Variants in EXOC2 observed in about 807,000 individuals in gnomAD.
EXOC2 encodes the protein exocyst complex component 2.
Under a neutral mutation model 131.8 loss-of-function variants are expected in EXOC2, and 70 were observed. The observed-to-expected ratio is 0.53, with a 90% confidence interval of 0.44 to 0.65. EXOC2 has a LOEUF of 0.65. Ranked by LOEUF, EXOC2 falls within the 30% of genes least tolerant of loss-of-function variation. EXOC2 has a pLI of 0.00. For missense variants in EXOC2, 923 were observed against 1,108.6 expected, an observed-to-expected ratio of 0.83 and a Z score of 2.38; for synonymous variants, 411 against 398.4, an observed-to-expected ratio of 1.03 and a Z score of -0.38.
chr6:499,559 C>T (rs1217174605), intron 24 of EXOC2, 86 bp downstream of exon 24: 3 of 1,182,224 alleles, frequency 2.5e-6, no homozygotes, highest in East Asian at 2.4e-5. Context: ...AAAAAAAGAC[C>T]ACCATAGAAA....
intron 6 of EXOC2, among the ~76,000 whole-genome samples, chr6:613,290 A>C (rs933527929): frequency 1.3e-5 from 2 of 152,238 alleles, no homozygotes; most frequent in African/African-American, 4.8e-5. Context: ...GGGGACACAC[A>C]GGAAGAAACA....
intron 15 of EXOC2, 47 bp from the exon 16 acceptor site, chr6:564,201 A>C (rs1181444136): frequency 1.9e-6 from 3 of 1,600,198 alleles, no homozygotes; most frequent in Admixed American, 1.7e-5. Flanking sequence ...TGGGATCGCA[A>C]AGCAATCCCT....
chr6:526,529 C>T (rs1302988586), intron 23 of EXOC2, among the ~76,000 whole-genome samples: 1 of 150,782 alleles, frequency 6.6e-6, no homozygotes, highest in Non-Finnish European at 1.5e-5. Context: ...CAACCTCTGC[C>T]TCCTGGGTTC....
chr6:654,833 A>AAAAAAAAAAAAAAAAAAC (rs1762995649), intron 1 of EXOC2, among the ~76,000 whole-genome samples: 1 of 141,806 alleles, frequency 7.1e-6, no homozygotes. Context: ...AAAAAAAAAA[A>AAAAAAAAAAAAAAAAAAC]AAAAGTAGAG....
intron 25 of EXOC2, among the ~76,000 whole-genome samples, chr6:493,999 C>T (rs1763582312): frequency 6.6e-6 from 1 of 152,204 alleles, no homozygotes; most frequent in African/African-American, 2.4e-5. Context: ...AATTCTAAGA[C>T]TGCTAAGGCC....
chr6:545,457 A>T (rs1756797451), intron 22 of EXOC2, among the ~76,000 whole-genome samples: 1 of 152,236 alleles, frequency 6.6e-6, no homozygotes. Flanking sequence ...GCACACTTAA[A>T]TTGCAACTTA....
At chr6:556,594 C>A in intron 17 of EXOC2, 30 bp from the exon 18 acceptor site, 1 of 1,611,130 alleles carries the variant, frequency 6.2e-7, no homozygotes, top group South Asian at 1.1e-5. Context: ...TTGTAAAACT[C>A]AAAAATGAGC....
chr6:528,197 GAAATT>G (rs1329396195), intron 23 of EXOC2, among the ~76,000 whole-genome samples: 1 of 151,674 alleles, frequency 6.6e-6, no homozygotes, highest in African/African-American at 2.4e-5. Context: ...GTTGAATCAT[GAAATT>G]AATCAACTGG....
chr6:650,408 T>C (rs1015107063), intron 1 of EXOC2, among the ~76,000 whole-genome samples: 14 of 152,248 alleles, frequency 9.2e-5, no homozygotes, highest in Admixed American at 6.5e-5. Flanking sequence ...TGCATGACTA[T>C]AGAAACGGGC....
At chr6:597,536 C>T (rs769915648) in intron 10 of EXOC2, among the ~76,000 whole-genome samples, 3 of 152,190 alleles carry the variant, frequency 2.0e-5, no homozygotes, top group South Asian at 4.1e-4. Flanking sequence ...ATTTCTCTTT[C>T]ACTGACCACT....
chr6:577,314 C>T (rs1380857760), intron 11 of EXOC2, among the ~76,000 whole-genome samples: 1 of 152,156 alleles, frequency 6.6e-6, no homozygotes, highest in Non-Finnish European at 1.5e-5. Context: ...GGATTTCACT[C>T]CCTATGGCGT....
At chr6:651,579 G>A (rs141760226) in intron 1 of EXOC2, among the ~76,000 whole-genome samples, 113 of 151,992 alleles carry the variant, frequency 7.4e-4, no homozygotes, top group Admixed American at 1.4e-3. Flanking sequence ...ACTTGAACCC[G>A]GAGGCCGAGG....
chr6:497,628 TGAAAG>T, intron 24 of EXOC2, 139 bp from the exon 25 acceptor site: 2 of 1,129,858 alleles, frequency 1.8e-6, no homozygotes, highest in East Asian at 2.6e-5. Context: ...AAATTATAAA[TGAAAG>T]GAAGATACAG....
In EXOC2 at chr6:564,679, G is replaced by C. The variant is rs776635192; in HGVS notation, c.1533C>G (p.His511Gln). The C allele has an allele frequency of 1.3e-6, 2 of 1,598,412 alleles. No individual in the cohort carries two copies. Among genetic ancestry groups the C allele is most frequent in the South Asian group, 2.2e-5 (2 of 88,966 alleles). ...DFKKMIQEVMHSLVKLTRGAL... is the reference protein window; with the variant it reads ...DFKKMIQEVMQSLVKLTRGAL... ...CTCCGCGGGTAAGCTTCACCAGGGA[G>C]TGCATTACTTCCTGAATCATTTTCT... Residue 511 changes from histidine (H) to glutamine (Q), a missense_variant, in exon 15 of 28, where the codon CAC (histidine) becomes CAG (glutamine). Physicochemically the swap from His to Gln is conservative, Grantham distance 24 (BLOSUM62 0). Coordinates refer to ENST00000230449, the MANE Select transcript of EXOC2 (RefSeq NM_018303.6).
intron 17 of EXOC2, among the ~76,000 whole-genome samples, chr6:556,866 C>T (rs989072229): frequency 1.3e-5 from 2 of 152,234 alleles, no homozygotes; most frequent in East Asian, 1.9e-4. Context: ...GGCCAATATA[C>T]AACGAGGAGC....
chr6:651,722 G>A (rs765989338), intron 1 of EXOC2, among the ~76,000 whole-genome samples: 1 of 151,540 alleles, frequency 6.6e-6, no homozygotes, highest in Non-Finnish European at 1.5e-5. Flanking sequence ...GTGCTCATGA[G>A]GGCAGAAGAT....
chr6:521,163 T>C (rs2493029), intron 23 of EXOC2, among the ~76,000 whole-genome samples: 26,163 of 121,272 alleles, frequency 0.22, 3,987 homozygotes, highest in African/African-American at 0.36. Context: ...CACTCGGAGA[T>C]GAAAACAACC....
intron 25 of EXOC2, among the ~76,000 whole-genome samples, chr6:494,955 T>C (rs1763627273): frequency 6.6e-6 from 1 of 152,182 alleles, no homozygotes; most frequent in African/African-American, 2.4e-5. Context: ...CACAGTTCAC[T>C]GCAGCCTTGA....
chr6:547,342 A>C (rs891140073), intron 22 of EXOC2, among the ~76,000 whole-genome samples: 5 of 152,226 alleles, frequency 3.3e-5, no homozygotes, highest in Non-Finnish European at 7.4e-5. Context: ...ATATCCCCGG[A>C]GGAAACACTT....
Sources: gnomAD v4.1 joint callset for allele counts (sites outside exome capture counted in the v4.1 genomes callset) on GRCh38, gnomAD v4.1.1 for gene constraint, MANE v1.5 for transcripts, NCBI Gene and HGNC (gene_info 2026-07-23, HGNC 2026-07-21) for gene names.